MAP4K5: variants seen among roughly 807,000 people sequenced by gnomAD.
The protein encoded by MAP4K5 is mitogen-activated protein kinase kinase kinase kinase 5.
MAP4K5 carries 82 observed loss-of-function variants against 135.6 expected under a neutral mutation model. The observed-to-expected ratio is 0.60, with a 90% CI of 0.51 to 0.73. The LOEUF (loss-of-function observed/expected upper bound fraction) is 0.73. Among genes scored for constraint, MAP4K5 ranks in the 30% least tolerant of loss-of-function variants. MAP4K5 has a pLI of 0.00. For missense variants in MAP4K5, 907 were observed against 1,010.9 expected, an observed-to-expected ratio of 0.90 and a Z score of 1.39; for synonymous variants, 347 against 335.0, an observed-to-expected ratio of 1.04 and a Z score of -0.39.
At chr14:50,560,379 G>T in intron 1 of MAP4K5, 1 of 1,551,588 alleles carries the variant, frequency 6.4e-7, no homozygotes. Flanking sequence ...AGACAGGGAG[G>T]GCCAAGGGCT....
intron 2 of MAP4K5, among the ~76,000 whole-genome samples, chr14:50,539,503 A>G (rs1036368988): frequency 6.6e-6 from 1 of 152,206 alleles, no homozygotes; most frequent in Non-Finnish European, 1.5e-5. Context: ...GCCTGACTAT[A>G]AAGGCTTTGG....
At chr14:50,476,669 C>T (rs879276730) in intron 6 of MAP4K5, among the ~76,000 whole-genome samples, 13 of 152,148 alleles carry the variant, frequency 8.5e-5, no homozygotes, top group South Asian at 2.1e-4. Context: ...ACCATGTTGG[C>T]CAGACTGGTC....
intron 13 of MAP4K5, among the ~76,000 whole-genome samples, chr14:50,459,013 G>A (rs1408056956): frequency 6.6e-6 from 1 of 152,072 alleles, no homozygotes; most frequent in Non-Finnish European, 1.5e-5. Flanking sequence ...GTCTCACTGT[G>A]TTGCCCAGGT....
At chr14:50,487,750 T>A (rs1189674962) in intron 3 of MAP4K5, among the ~76,000 whole-genome samples, 1 of 152,194 alleles carries the variant, frequency 6.6e-6, no homozygotes, top group Non-Finnish European at 1.5e-5. Context: ...AAGGTGACAG[T>A]AGAAAGTCTG....
At chr14:50,464,026 G>T (rs761466592) in intron 12 of MAP4K5, 26 bp downstream of exon 12, 4 of 1,343,626 alleles carry the variant, frequency 3.0e-6, no homozygotes, top group African/African-American at 3.0e-5. Flanking sequence ...ACTATAGGAA[G>T]ACCCCTCGTA....
intron 2 of MAP4K5, among the ~76,000 whole-genome samples, chr14:50,510,493 T>C (rs376145847): frequency 3.9e-5 from 6 of 152,194 alleles, no homozygotes; most frequent in African/African-American, 7.2e-5. Flanking sequence ...CTGTGCCACA[T>C]GGTAGATGCT....
Position 50,560,409 on chromosome 14 carries a change from G to C in MAP4K5, c.-180+631C>G, listed in dbSNP as rs74885887. 19,322 of 1,418,580 alleles carry C rather than the reference G, an allele frequency of 0.014. 632 individuals are homozygous for C. The highest frequency in any genetic ancestry group is 0.12 in the African/African-American group (8,024 of 69,582). The allele number at this position is 1,418,580 out of a possible 1,614,324, so 87.9% of individuals were successfully genotyped here. ...AGGGCTGCTAGGTGCCTGCGTCCAC[G>C]GCTGGGAGACGGGCCGTAGCCGAGC... On this transcript the variant is annotated intron_variant, in intron 1 of 8. Coordinates refer to the MAP4K5 transcript ENST00000555216.
At position 50,437,947 on chromosome 14, in the gene MAP4K5, TG is replaced by T; in HGVS notation, c.1769del (p.Pro590GlnfsTer3). 6.2e-7 allele frequency: 1 copy of T among 1,612,734 alleles called. No homozygotes were observed. Among genetic ancestry groups the T allele is most frequent in the Non-Finnish European group, 8.5e-7 (1 of 1,178,996 alleles). On this transcript the variant is annotated frameshift_variant, in exon 25 of 33. Coordinates refer to ENST00000682126, the MANE Select transcript of MAP4K5 (RefSeq NM_006575.6). LOFTEE classifies it high-confidence loss of function. ...GAGTTTGAATATGGGCAGCTAATCC[TG>T]GTTTTTTGGCATGTTCAAACAAAGC... ...LIALFEHAKKPGLAAHIQTHR... is the reference protein window; with the variant it reads ...LIALFEHAKKXGLAAHIQTHR...
At chr14:50,488,485 G>A (rs1203125897) in intron 3 of MAP4K5, among the ~76,000 whole-genome samples, 3 of 152,086 alleles carry the variant, frequency 2.0e-5, no homozygotes, top group Admixed American at 1.3e-4. Flanking sequence ...GTTAAGTCTG[G>A]GATTTAGAAC....
chr14:50,477,562 G>GA (rs1398616100), intron 6 of MAP4K5, among the ~76,000 whole-genome samples: 1 of 152,094 alleles, frequency 6.6e-6, no homozygotes, highest in Non-Finnish European at 1.5e-5. Context: ...GAGCCTGGAG[G>GA]AAAAAACATC....
chr14:50,450,695 G>A (rs1483693755), intron 14 of MAP4K5: 2 of 152,198 alleles, frequency 1.3e-5, no homozygotes, highest in East Asian at 1.9e-4. Context: ...AGAGCGCTGT[G>A]AGCTTCTGGA....
Position 50,475,096 on chromosome 14 carries a change from A to C in MAP4K5, c.523T>G (p.Phe175Val). 6.2e-7 allele frequency: 1 copy of C among 1,613,830 alleles called. No homozygotes were observed. The highest frequency in any genetic ancestry group is 8.5e-7 in the Non-Finnish European group (1 of 1,179,772). ...TCTTACCAGTAAGGGGTGCCAATGA[A>C]AGATTTTCGTTTTGCAATGGTAGCT... The part of the protein sequence containing the change: ...ITATIAKRKS[F>V]IGTPYWMAPE... The change falls in exon 9 of 33, where the codon TTC (phenylalanine) becomes GTC (valine). Residue 175 changes from phenylalanine (F) to valine (V), a missense_variant. By Grantham distance (50) the Phe-to-Val change is conservative (BLOSUM62 -1). This residue lies in a region of MAP4K5 where 21 missense variants were observed against 44.2 expected (regional missense o/e 0.47). Transcript: ENST00000682126.
intron 3 of MAP4K5, among the ~76,000 whole-genome samples, chr14:50,500,930 G>A (rs1378017777): frequency 6.6e-6 from 1 of 152,088 alleles, no homozygotes; most frequent in Non-Finnish European, 1.5e-5. Flanking sequence ...TCCTAATACG[G>A]GAAAATCTTT....
intron 3 of MAP4K5, among the ~76,000 whole-genome samples, chr14:50,489,898 G>C (rs1327882020): frequency 1.3e-5 from 2 of 152,178 alleles, no homozygotes; most frequent in African/African-American, 4.8e-5. Context: ...TGGAAACCTG[G>C]CTGCTGAGTA....
chr14:50,447,901 A>G (rs1218798257), intron 15 of MAP4K5, among the ~76,000 whole-genome samples: 1 of 16,954 alleles, frequency 5.9e-5, no homozygotes, highest in African/African-American at 6.5e-5. Flanking sequence ...TCATACAGCA[A>G]CATATTTACA....
rs371189849 is a variant in MAP4K5, at chr14:50,462,701, G to A, written c.900C>T (p.His300=). ...LLDKVNNPDN[H]AHYTEADDDD... is the part of the protein sequence containing the mutation. ...CGTCATCTGCTTCAGTGTAATGTGC[G>A]TGGTTATCTGGATTGTTCACTTTGT... Residue 300 remains histidine, a synonymous_variant, in exon 13 of 33, where the codon CAC becomes CAT. Transcript: ENST00000682126. 2.4e-4 allele frequency: 386 copies of A among 1,605,392 alleles called. No homozygotes were observed. The highest frequency in any genetic ancestry group is 2.8e-4 in the Non-Finnish European group (329 of 1,177,366).
At chr14:50,530,721 T>A (rs545853325) in intron 2 of MAP4K5, among the ~76,000 whole-genome samples, 1 of 152,314 alleles carries the variant, frequency 6.6e-6, no homozygotes, top group African/African-American at 2.4e-5. Context: ...ATTCATCACC[T>A]CAGTACCTCT....
intron 32 of MAP4K5, among the ~76,000 whole-genome samples, chr14:50,420,823 G>A (rs903104469): frequency 4.6e-5 from 7 of 151,976 alleles, no homozygotes; most frequent in African/African-American, 1.7e-4. Context: ...AGTATGAAAT[G>A]GGGCCCCTCT....
At chr14:50,500,052 G>A (rs189470066) in intron 3 of MAP4K5, among the ~76,000 whole-genome samples, 68 of 152,278 alleles carry the variant, frequency 4.5e-4, no homozygotes, top group Admixed American at 4.4e-3. Flanking sequence ...TTTATACCTA[G>A]TCAAATCGTC....
Sources: allele counts gnomAD v4.1 joint callset (sites outside exome capture counted in the v4.1 genomes callset), GRCh38; gene constraint gnomAD v4.1.1; regional missense constraint gnomAD v4.1.1; transcripts MANE v1.5; gene names NCBI Gene and HGNC (gene_info 2026-07-23, HGNC 2026-07-21).